The following PCDH15 variants were observed in gnomAD, a reference collection of about 807,000 sequenced individuals.
The protein encoded by PCDH15 is protocadherin-15.
In PCDH15, 129 loss-of-function variants were observed where a neutral mutation model predicts 178.5. The ratio of observed to expected loss-of-function variants is 0.72; its 90% confidence interval spans 0.63 to 0.84. The LOEUF (loss-of-function observed/expected upper bound fraction) is 0.84. Among genes scored for constraint, PCDH15 ranks in the 40% least tolerant of loss-of-function variants. The probability of loss-of-function intolerance (pLI) is 0.00; values close to 1 mark genes in which losing one functional copy is unlikely to be tolerated. For synonymous variants in PCDH15, 800 were observed against 732.0 expected (o/e 1.09, Z -1.50); for missense variants, 2,230 against 2,099.9 (o/e 1.06, Z -1.21).
chr10:54,689,710 C>T (rs945941822), intron 1 of PCDH15, among the ~76,000 whole-genome samples: 1 of 152,150 alleles, frequency 6.6e-6, no homozygotes, highest in Non-Finnish European at 1.5e-5. Context: ...ATACATAGAG[C>T]AGAAGGCAGT....
intron 2 of PCDH15, among the ~76,000 whole-genome samples, chr10:55,523,153 A>G (rs1841223868): frequency 6.7e-6 from 1 of 149,762 alleles, no homozygotes; most frequent in Non-Finnish European, 1.5e-5. Context: ...CTGAACATTC[A>G]TATTCCTCCT....
At chr10:55,626,183 A>AAATAAAT (rs1334620445) in intron 2 of PCDH15, among the ~76,000 whole-genome samples, 4 of 151,170 alleles carry the variant, frequency 2.6e-5, no homozygotes, top group African/African-American at 9.8e-5. Context: ...ATAAATAAAT[A>AAATAAAT]AAATAAAAAA....
chr10:54,441,921 CAA>C (rs377477016), intron 3 of PCDH15, among the ~76,000 whole-genome samples: 48 of 151,780 alleles, frequency 3.2e-4, no homozygotes, highest in African/African-American at 9.9e-4. Context: ...AGAGGAGGTT[CAA>C]GAGATGAAAC....
chr10:55,115,863 C>T (rs1178151006), intron 2 of PCDH15, among the ~76,000 whole-genome samples: 1 of 152,166 alleles, frequency 6.6e-6, no homozygotes, highest in Admixed American at 6.5e-5. Flanking sequence ...ATAGCCTAAA[C>T]ACAGTAGCTC....
intron 2 of PCDH15, among the ~76,000 whole-genome samples, chr10:55,063,728 T>G (rs1428420073): frequency 6.6e-6 from 1 of 152,156 alleles, no homozygotes; most frequent in Non-Finnish European, 1.5e-5. Context: ...TCAACCTGTT[T>G]ATTTCATTTT....
At chr10:54,894,206 T>C (rs1168741773) in intron 3 of PCDH15, among the ~76,000 whole-genome samples, 1 of 152,118 alleles carries the variant, frequency 6.6e-6, no homozygotes, top group South Asian at 2.1e-4. Flanking sequence ...GTATTGTCAA[T>C]GGACAACAAA....
At chr10:55,141,860 T>TG (rs113971886) in intron 2 of PCDH15, among the ~76,000 whole-genome samples, 131,665 of 150,596 alleles carry the variant, frequency 0.87, 58,865 homozygotes, top group Non-Finnish European at 0.97. Context: ...AAAGGTTTAT[T>TG]ATTTTTTTTT....
intron 2 of PCDH15, among the ~76,000 whole-genome samples, chr10:55,533,404 G>C (rs1192011765): frequency 1.3e-5 from 2 of 151,938 alleles, no homozygotes; most frequent in Non-Finnish European, 2.9e-5. Context: ...AATATATGTA[G>C]AAAAATCAGT....
chr10:54,389,085 T>C (rs987259686), intron 3 of PCDH15, among the ~76,000 whole-genome samples: 5 of 152,100 alleles, frequency 3.3e-5, no homozygotes, highest in Non-Finnish European at 7.4e-5. Context: ...TTTATCCCTA[T>C]TGAGACCAGG....
At chr10:54,571,276 T>A (rs187360010) in intron 2 of PCDH15, among the ~76,000 whole-genome samples, 3 of 140,982 alleles carry the variant, frequency 2.1e-5, no homozygotes, top group Admixed American at 7.6e-5. Context: ...AATGAGAAGA[T>A]ACCAGTCCCA....
intron 20 of PCDH15, among the ~76,000 whole-genome samples, chr10:54,001,056 CA>C (rs34320579): frequency 0.75 from 113,939 of 151,822 alleles, 43,370 homozygotes; most frequent in African/African-American, 0.88. Flanking sequence ...TGCTGAAGGA[CA>C]AAAAAAATTC....
chr10:54,689,219 G>A (rs573516066), intron 1 of PCDH15, among the ~76,000 whole-genome samples: 1 of 151,938 alleles, frequency 6.6e-6, no homozygotes, highest in African/African-American at 2.4e-5. Flanking sequence ...CTATAAAATA[G>A]GTAATTTTTA....
At chr10:55,385,801 A>T (rs1362746237) in intron 2 of PCDH15, among the ~76,000 whole-genome samples, 1 of 149,116 alleles carries the variant, frequency 6.7e-6, no homozygotes, top group Non-Finnish European at 1.5e-5. Context: ...CTGTATATAG[A>T]TATGCATATA....
At chr10:54,597,349 T>G (rs1243300961) in intron 2 of PCDH15, among the ~76,000 whole-genome samples, 3 of 152,150 alleles carry the variant, frequency 2.0e-5, no homozygotes, top group African/African-American at 7.2e-5. Flanking sequence ...GAATGACTTT[T>G]GGGTAAATAA....
At chr10:55,121,693 G>T (rs1423408570) in intron 2 of PCDH15, among the ~76,000 whole-genome samples, 1 of 152,030 alleles carries the variant, frequency 6.6e-6, no homozygotes, top group African/African-American at 2.4e-5. Flanking sequence ...CTTATAAAAG[G>T]ACTGGAGAAA....
At chr10:55,022,452 CAAAA>C (rs373971818) in intron 2 of PCDH15, among the ~76,000 whole-genome samples, 3 of 99,388 alleles carry the variant, frequency 3.0e-5, no homozygotes, top group East Asian at 2.8e-4. Flanking sequence ...ACTCTGTCTC[CAAAA>C]AAAAAAAAAA....
rs371995526 is a variant in PCDH15 at position 54,273,170 on chromosome 10, AT to A, written c.877-36240del. 2.6e-3 allele frequency among the ~76,000 whole-genome samples: 396 copies of A among 152,280 alleles called. 14 individuals are homozygous for A. The South Asian group carries it at 0.076, about 29-fold the overall frequency. ...TTTGTGAACTTAAACAGAAGCTTGC[AT>A]GTAATTTATTGTTCAAAGAAAAATA... On this transcript the variant is annotated intron_variant, in intron 8 of 37. Transcript: ENST00000644397.
At chr10:53,957,317 T>C (rs370890348) in intron 23 of PCDH15, among the ~76,000 whole-genome samples, 7 of 152,072 alleles carry the variant, frequency 4.6e-5, no homozygotes, top group African/African-American at 1.7e-4. Flanking sequence ...CTAGATAATT[T>C]AGTGAGAAAC....
At chr10:54,205,481 T>TGTGTGTGTGTG (rs2050698469) in intron 10 of PCDH15, among the ~76,000 whole-genome samples, 4 of 135,088 alleles carry the variant, frequency 3.0e-5, no homozygotes, top group Non-Finnish European at 1.6e-5. Context: ...TATATTTCCT[T>TGTGTGTGTGTG]TGTGTGTGTG....
Sources: gnomAD v4.1 joint callset for allele counts (sites outside exome capture counted in the v4.1 genomes callset) on GRCh38, gnomAD v4.1.1 for gene constraint, MANE v1.5 for transcripts, NCBI Gene and HGNC (gene_info 2026-07-23, HGNC 2026-07-21) for gene names.